Variants in SEMA4G observed in about 807,000 individuals in gnomAD.
SEMA4G encodes semaphorin-4G.
A neutral mutation model predicts 81.2 loss-of-function variants in SEMA4G; 59 were observed. The observed-to-expected ratio is 0.73, with a 90% CI of 0.59 to 0.90. SEMA4G has a LOEUF of 0.90. Ranked by LOEUF, SEMA4G falls within the 40% of genes least tolerant of loss-of-function variation. The pLI is 0.00. For missense variants in SEMA4G, 952 were observed against 1,102.3 expected (o/e 0.86, Z 1.93); for synonymous variants, 404 against 433.9 (o/e 0.93, Z 0.86).
At position 100,973,228 on chromosome 10, in the gene SEMA4G, C is replaced by T. The variant is rs1352343381; in HGVS notation, c.224C>T (p.Ala75Val). The change falls in exon 2 of 14, where the codon GCC becomes GTC. Residue 75 changes from alanine (A) to valine (V), a missense_variant. Around this residue, in one of 3 missense-constraint regions of SEMA4G, gnomAD observed 436 missense variants for 488.2 expected, o/e 0.89. Coordinates refer to ENST00000370250, the Ensembl canonical transcript of SEMA4G. The surrounding 1 kb of genome is among the most constrained non-coding windows in gnomAD (Gnocchi z 5.5). The stretch of plus-strand genomic sequence containing the variant: ...AGGCTGCTGGTGGGAGCCCGAGGTG[C>T]CCTGTTCTCTCTCAGTGCCAACGAC... 4 of 1,613,474 alleles carry T rather than the reference C, an allele frequency of 2.5e-6. No homozygotes were observed. The East Asian group carries it at 6.7e-5, about 27-fold the overall frequency.
intron 3 of SEMA4G, among the ~76,000 whole-genome samples, chr10:100,977,383 A>G (rs999034897): frequency 1.3e-5 from 2 of 152,226 alleles, no homozygotes; most frequent in Non-Finnish European, 2.9e-5. Flanking sequence ...TGCAAGAGAC[A>G]CAGGAGATAT....
chr10:100,978,310 A>G, exon 5 of SEMA4G: 1 of 1,613,166 alleles, frequency 6.2e-7, no homozygotes, highest in Non-Finnish European at 8.5e-7. Context: ...TGAGGCCTTC[A>G]CCTTGCCAAC....
Position 100,980,999 on chromosome 10 carries a change from TG to T in SEMA4G, c.1628+20del, listed in dbSNP as rs1476679345. On this transcript the variant is annotated intron_variant, in intron 12 of 13. Transcript: ENST00000370250. ...AGCCAACAGGTCCCAGGGAAGCAGG[TG>T]GGAAGTGGTGGGGGGTGACAGTCAC... The T allele has an allele frequency of 6.3e-7, 1 of 1,591,722 alleles. No individual in the cohort carries two copies. The highest frequency in any genetic ancestry group is 8.5e-7 in the Non-Finnish European group (1 of 1,169,886).
chr10:100,977,796 G>A (rs1011862046), intron 4 of SEMA4G, 66 bp downstream of exon 5: 20 of 1,347,306 alleles, frequency 1.5e-5, no homozygotes, highest in Non-Finnish European at 2.1e-5. Flanking sequence ...TGTTCAAGAT[G>A]CCAAAGAAGA....
intron 3 of SEMA4G, among the ~76,000 whole-genome samples, chr10:100,977,176 G>GT (rs990691098): frequency 8.5e-5 from 13 of 152,168 alleles, no homozygotes; most frequent in African/African-American, 2.9e-4. Flanking sequence ...TTCTGACAAG[G>GT]TGAGTTTGAA....
In SEMA4G at chr10:100,980,117, G is replaced by C. The variant is rs769312863; in HGVS notation, c.1129-5G>C. 1 of 1,614,096 alleles carries C rather than the reference G, an allele frequency of 6.2e-7. No individual in the cohort carries two copies. The highest frequency in any genetic ancestry group is 8.5e-7 in the Non-Finnish European group (1 of 1,179,956). On this transcript the variant is annotated splice_region_variant and splice_polypyrimidine_tract_variant and intron_variant, in intron 9 of 13. Transcript: ENST00000370250. ...GAGGTTCACCACCTTCGTCCCCCAC[G>C]CCAGTGTATCACAGATTCATTGCGC...
At chr10:100,977,592 C>A in intron 3 of SEMA4G, 40 bp from the exon 5 acceptor site, 1 of 1,529,844 alleles carries the variant, frequency 6.5e-7, no homozygotes, top group South Asian at 1.1e-5. Flanking sequence ...GGCTTCTAGT[C>A]AGGCAGGGGG....
intron 13 of SEMA4G, 102 bp downstream of exon 14, chr10:100,981,331 T>C (rs1032860856): frequency 8.7e-5 from 140 of 1,601,050 alleles, no homozygotes; most frequent in South Asian, 1.1e-4. Flanking sequence ...GCTGTGGCTA[T>C]GTACATTTGG....
In SEMA4G at chr10:100,978,850, T is replaced by C. The variant is rs374767509; in HGVS notation, c.645T>C (p.Asp215=). 28 of 1,613,568 alleles carry C rather than the reference T, an allele frequency of 1.7e-5. No homozygotes were observed. In the Admixed American group the frequency reaches 4.2e-4, roughly 24 times the overall value. The change falls in exon 7 of 14, where the codon GAT becomes GAC. Residue 215 remains aspartate (D), a splice_region_variant and synonymous_variant. Coordinates refer to ENST00000370250, the Ensembl canonical transcript of SEMA4G. ...CCTCTCAAACTGCCTGACCCACAGATGCGGAGTTTGTGTTCTCCGTCCTCG... is the reference window on the plus strand; with the variant it reads ...CCTCTCAAACTGCCTGACCCACAGACGCGGAGTTTGTGTTCTCCGTCCTCG...
chr10:100,985,502 T>C (rs940472396), downstream of SEMA4G: 4 of 152,770 alleles, frequency 2.6e-5, no homozygotes, highest in South Asian at 2.1e-4. Context: ...GCTACACTTC[T>C]TTAGGAATGC....
chr10:100,970,774 C>A (rs1431168778), upstream of SEMA4G, among the ~76,000 whole-genome samples: 1 of 152,232 alleles, frequency 6.6e-6, no homozygotes. Context: ...CGTGTGAGCA[C>A]ACATGTACTT....
In SEMA4G at chr10:100,981,155, T is replaced by C; in HGVS notation, c.1629-13T>C. 2 of 1,614,130 alleles carry C rather than the reference T, an allele frequency of 1.2e-6. No homozygotes were observed. The highest frequency in any genetic ancestry group is 1.7e-6 in the Non-Finnish European group (2 of 1,179,992). On this transcript the variant is annotated splice_polypyrimidine_tract_variant and intron_variant, in intron 12 of 13. Coordinates refer to ENST00000370250, the Ensembl canonical transcript of SEMA4G. Reference sequence around the variant, plus strand: ...AGTTCCCCTTGTTCATAAAACCTGATCTTCTGTCCCAGGACAGCACTGATA... The same window carrying C: ...AGTTCCCCTTGTTCATAAAACCTGACCTTCTGTCCCAGGACAGCACTGATA...
downstream of SEMA4G, chr10:100,985,334 T>G: frequency 1.3e-5 from 2 of 158,920 alleles, no homozygotes; most frequent in Admixed American, 6.4e-5. Flanking sequence ...TCTAGGCCTA[T>G]ATGGGACAAT....
chr10:100,975,308 TTGATGCTGC>T (rs1461518118), intron 3 of SEMA4G, among the ~76,000 whole-genome samples: 2 of 152,222 alleles, frequency 1.3e-5, no homozygotes, highest in Admixed American at 6.5e-5. Flanking sequence ...CCAAGTGAAG[TTGATGCTGC>T]TGGTCCCCAG....
At chr10:100,984,046 G>C in exon 14 of SEMA4G, 1 of 1,613,712 alleles carries the variant, frequency 6.2e-7, no homozygotes. Context: ...GCAGGGCCCT[G>C]CTCCTTCGCC....
chr10:100,978,814 T>C (rs1478944246), intron 6 of SEMA4G, 35 bp from the exon 8 acceptor site: 1 of 1,605,918 alleles, frequency 6.2e-7, no homozygotes, highest in Non-Finnish European at 8.5e-7. Context: ...ATCCCCAGCC[T>C]GTCTCAAAAG....
upstream of SEMA4G, among the ~76,000 whole-genome samples, chr10:100,972,271 C>G (rs567220038): frequency 6.6e-6 from 1 of 152,240 alleles, no homozygotes; most frequent in African/African-American, 2.4e-5. Flanking sequence ...AGTGGAGCTT[C>G]TGACTTGGCC....
intron 4 of SEMA4G, 189 bp downstream of exon 5, chr10:100,977,919 G>GTT: frequency 1.7e-6 from 1 of 597,744 alleles, no homozygotes; most frequent in Non-Finnish European, 3.0e-6. Flanking sequence ...AAACCATGCA[G>GTT]TTTTTATAGC....
intron 3 of SEMA4G, chr10:100,975,002 G>C (rs1313026429): frequency 5.6e-6 from 3 of 533,624 alleles, no homozygotes; most frequent in Non-Finnish European, 1.2e-5. Flanking sequence ...GGTGGGCCAG[G>C]GGTGGTGTTG....
Sources: gnomAD v4.1 joint callset for allele counts (sites outside exome capture counted in the v4.1 genomes callset) on GRCh38, gnomAD v4.1.1 for gene constraint, gnomAD v4.1.1 regional missense constraint, Gnocchi (gnomAD v3.1) non-coding constraint, MANE v1.5 for transcripts, NCBI Gene and HGNC (gene_info 2026-07-23, HGNC 2026-07-21) for gene names.